The following LAMA3 variants were observed in gnomAD, a reference collection of about 807,000 sequenced individuals.
LAMA3 encodes laminin subunit alpha 3.
LAMA3 carries 281 observed loss-of-function variants against 402.0 expected under a neutral mutation model. The ratio of observed to expected loss-of-function variants is 0.70; its 90% CI spans 0.63 to 0.77. The LOEUF (loss-of-function observed/expected upper bound fraction) is 0.77. Ranked by LOEUF, LAMA3 falls within the 30% of genes least tolerant of loss-of-function variation. LAMA3 has a pLI of 0.00. For synonymous variants in LAMA3, 1,431 were observed against 1,558.4 expected, an observed-to-expected ratio of 0.92 and a Z score of 1.93; for missense variants, 3,840 against 4,215.5, an observed-to-expected ratio of 0.91 and a Z score of 2.47.
At chr18:23,741,128 T>G (rs1000164665) in intron 2 of LAMA3, among the ~76,000 whole-genome samples, 1 of 152,084 alleles carries the variant, frequency 6.6e-6, no homozygotes, top group African/African-American at 2.4e-5. Context: ...TAATTTTTTT[T>G]TGTATTTTTT....
intron 12 of LAMA3, 118 bp from the exon 13 acceptor site, chr18:23,810,248 G>A (rs781560163): frequency 8.4e-7 from 1 of 1,193,118 alleles, no homozygotes; most frequent in Non-Finnish European, 1.2e-6. Context: ...AAGAAGTGGA[G>A]CTGGAATTTG....
chr18:23,783,385 G>A (rs9955039), intron 11 of LAMA3, among the ~76,000 whole-genome samples: 4,090 of 152,214 alleles, frequency 0.027, 161 homozygotes, highest in African/African-American at 0.092. Context: ...ATACAGACTG[G>A]TCAGGGGGAC....
chr18:23,782,450 G>A lies in LAMA3; in HGVS notation c.1469-1573G>A, dbSNP rs192202009. On this transcript the variant is annotated intron_variant, in intron 11 of 74. Coordinates refer to ENST00000313654, the MANE Select transcript of LAMA3 (RefSeq NM_198129.4). ...CGCCTGTAATCCGAGCTACTCGGGA[G>A]GCTGAGGCATGATAATCGCTTGAAC... 1.3e-3 allele frequency among the ~76,000 whole-genome samples: 204 copies of A among 152,264 alleles called. 1 individual carries two copies. The highest frequency in any genetic ancestry group is 4.8e-3 in the African/African-American group (199 of 41,524).
chr18:23,884,053 TG>T (rs879621425), intron 40 of LAMA3, among the ~76,000 whole-genome samples: 1,035 of 47,950 alleles, frequency 0.022, 7 homozygotes, highest in Admixed American at 0.045. Flanking sequence ...CTTTGGTGTG[TG>T]TGTGTGTGTG....
intron 25 of LAMA3, among the ~76,000 whole-genome samples, chr18:23,837,570 G>GATAGATAGATATATATATATATATATAT (rs368371253): frequency 1.2e-5 from 1 of 83,284 alleles, no homozygotes; most frequent in African/African-American, 4.5e-5. Context: ...CAGTTAATCA[G>GATAGATAGATATATATATATATATATAT]ATATATATAT....
At chr18:23,870,009 T>TA (rs373440164) in intron 37 of LAMA3, among the ~76,000 whole-genome samples, 85 of 143,132 alleles carry the variant, frequency 5.9e-4, no homozygotes, top group Non-Finnish European at 6.7e-4. Flanking sequence ...AAAAATACAT[T>TA]AAAAAAAAAA....
intron 23 of LAMA3, among the ~76,000 whole-genome samples, chr18:23,829,009 A>G (rs1024677591): frequency 1.3e-5 from 2 of 152,196 alleles, no homozygotes. Context: ...AAAAAAGATA[A>G]CATCTCCAGT....
chr18:23,831,426 C>T (rs2063487921), intron 23 of LAMA3, among the ~76,000 whole-genome samples: 1 of 151,998 alleles, frequency 6.6e-6, no homozygotes, highest in Non-Finnish European at 1.5e-5. Context: ...ATGTAGCCTC[C>T]TACTGCAAGC....
chr18:23,757,461 A>T (rs1267028529), intron 6 of LAMA3, among the ~76,000 whole-genome samples: 1 of 21,162 alleles, frequency 4.7e-5, no homozygotes. Context: ...CCTCCTCCCC[A>T]GTCCCCTCCC....
chr18:23,858,243 C>T (rs1348186714), intron 33 of LAMA3, among the ~76,000 whole-genome samples: 3 of 152,144 alleles, frequency 2.0e-5, no homozygotes, highest in Non-Finnish European at 4.4e-5. Context: ...AAAATCAGCA[C>T]AAACTTTTAT....
intron 37 of LAMA3, among the ~76,000 whole-genome samples, chr18:23,869,438 C>T (rs7243993): frequency 0.8 from 121,417 of 152,184 alleles, 49,182 homozygotes; most frequent in African/African-American, 0.95. Flanking sequence ...AAGGGTTCTT[C>T]TTAAGGTAAT....
intron 2 of LAMA3, among the ~76,000 whole-genome samples, chr18:23,732,592 G>T (rs1225371124): frequency 6.6e-6 from 1 of 152,116 alleles, no homozygotes; most frequent in African/African-American, 2.4e-5. Context: ...CCTGCAGGGT[G>T]CGCAGGTTTT....
At chr18:23,880,101 G>A (rs866733855) in intron 39 of LAMA3, among the ~76,000 whole-genome samples, 5 of 152,232 alleles carry the variant, frequency 3.3e-5, no homozygotes, top group South Asian at 2.1e-4. Context: ...TGAAGACTGG[G>A]TGAGGGTGAG....
chr18:23,763,057 A>T (rs886353218), intron 7 of LAMA3, among the ~76,000 whole-genome samples: 1 of 152,054 alleles, frequency 6.6e-6, no homozygotes. Context: ...GGGTTTCACC[A>T]TATTGGCCAG....
At chr18:23,943,597 A>T (rs2082600845) in intron 68 of LAMA3, among the ~76,000 whole-genome samples, 191 bp from the exon 69 acceptor site, 1 of 152,236 alleles carries the variant, frequency 6.6e-6, no homozygotes, top group Admixed American at 6.5e-5. Context: ...ATACAACAAA[A>T]CCATTAACAG....
At chr18:23,843,140 C>T (rs923774562) in intron 29 of LAMA3, among the ~76,000 whole-genome samples, 10 of 152,070 alleles carry the variant, frequency 6.6e-5, no homozygotes, top group Admixed American at 2.0e-4. Flanking sequence ...GCGTTCCTTC[C>T]GATTTGACAC....
At position 23,836,958 on chromosome 18, in the gene LAMA3, GAAAA is replaced by G. The variant is rs2063593818; in HGVS notation, c.2985-22_2985-19del. 2.5e-6 allele frequency: 4 copies of G among 1,594,594 alleles called. No individual in the cohort carries two copies. In the African/African-American group the frequency reaches 4.0e-5, roughly 16 times the overall value. On this transcript the variant is annotated intron_variant, in intron 24 of 74. Coordinates refer to ENST00000313654, the MANE Select transcript of LAMA3 (RefSeq NM_198129.4). ...AGGGAGATGCCGGGAGTCAGGCTAA[GAAAA>G]CTCTGTTTTCTCTTGCAGTGTTCTC...
At chr18:23,907,486 C>T (rs1458919798) in intron 52 of LAMA3, 64 bp from the exon 53 acceptor site, 1 of 1,207,824 alleles carries the variant, frequency 8.3e-7, no homozygotes, top group Non-Finnish European at 1.2e-6. Flanking sequence ...TCAGGGGCCA[C>T]AAATACCAAT....
intron 16 of LAMA3, 44 bp from the exon 17 acceptor site, chr18:23,815,424 C>A: frequency 1.3e-6 from 2 of 1,522,084 alleles, no homozygotes; most frequent in East Asian, 4.5e-5. Context: ...TTAGTGAATT[C>A]TGTAATTATA....
Sources: gnomAD v4.1 joint callset for allele counts (sites outside exome capture counted in the v4.1 genomes callset) on GRCh38, gnomAD v4.1.1 for gene constraint, MANE v1.5 for transcripts, NCBI Gene and HGNC (gene_info 2026-07-23, HGNC 2026-07-21) for gene names.